CLNK: variants seen among roughly 807,000 people sequenced by gnomAD.
The protein encoded by CLNK is cytokine dependent hematopoietic cell linker.
Under a neutral mutation model 68.6 loss-of-function variants are expected in CLNK, and 74 were observed. The observed-to-expected ratio is 1.08, with a 90% confidence interval of 0.89 to 1.31. CLNK has a LOEUF of 1.31. CLNK is among the 50% of genes most tolerant of loss of function. The probability of loss-of-function intolerance (pLI) is 0.00; values close to 1 mark genes in which losing one functional copy is unlikely to be tolerated. For missense variants in CLNK, 553 were observed against 515.3 expected, an observed-to-expected ratio of 1.07 and a Z score of -0.71; for synonymous variants, 198 against 172.2, an observed-to-expected ratio of 1.15 and a Z score of -1.17.
intron 4 of CLNK, among the ~76,000 whole-genome samples, chr4:10,575,299 C>T (rs949444914): frequency 1.3e-5 from 2 of 152,244 alleles, no homozygotes; most frequent in African/African-American, 4.8e-5. Context: ...TCTGCCAGCA[C>T]ACCCAGCTCA....
chr4:10,542,871 A>C (rs976460385), intron 8 of CLNK, among the ~76,000 whole-genome samples: 3 of 152,040 alleles, frequency 2.0e-5, no homozygotes, highest in Admixed American at 6.5e-5. Flanking sequence ...TCTCAAGGAC[A>C]ATTAACCTTA....
chr4:10,625,866 C>T (rs1176325290), intron 2 of CLNK, among the ~76,000 whole-genome samples: 3 of 152,200 alleles, frequency 2.0e-5, no homozygotes, highest in Non-Finnish European at 4.4e-5. Context: ...TAGCTCAAGG[C>T]TGAGGGTTCT....
intron 3 of CLNK, among the ~76,000 whole-genome samples, chr4:10,588,496 G>T (rs1260083694): frequency 6.6e-6 from 1 of 152,188 alleles, no homozygotes; most frequent in African/African-American, 2.4e-5. Flanking sequence ...TCTAAAAAGA[G>T]TAGCACCAAA....
intron 1 of CLNK, among the ~76,000 whole-genome samples, chr4:10,669,233 A>G (rs1724531230): frequency 6.6e-6 from 1 of 152,232 alleles, no homozygotes; most frequent in Admixed American, 6.5e-5. Context: ...CCCTTAAGCC[A>G]CTTCTAAAAC....
the CLNK span, among the ~76,000 whole-genome samples, chr4:10,694,443 C>G: frequency 6.6e-6 from 1 of 151,792 alleles, no homozygotes; most frequent in Non-Finnish European, 1.5e-5. Context: ...GAAGGTCCCA[C>G]AAAGTTATAA....
intron 14 of CLNK, among the ~76,000 whole-genome samples, chr4:10,522,676 G>C (rs1043675372): frequency 3.3e-5 from 5 of 151,988 alleles, no homozygotes; most frequent in Non-Finnish European, 7.4e-5. Flanking sequence ...CTGGGGAATA[G>C]ACAATAAAGA....
chr4:10,715,232 T>C, the CLNK span, among the ~76,000 whole-genome samples: 1 of 152,200 alleles, frequency 6.6e-6, no homozygotes, highest in East Asian at 1.9e-4. Context: ...AGCCCCTCTC[T>C]AGACCTACTG....
At chr4:10,724,299 G>A in the CLNK span, among the ~76,000 whole-genome samples, 9 of 152,020 alleles carry the variant, frequency 5.9e-5, no homozygotes, top group Non-Finnish European at 1.2e-4. Context: ...CCTCCTTCAA[G>A]TTGTTGCTCA....
the CLNK span, among the ~76,000 whole-genome samples, chr4:10,694,258 A>C: frequency 6.6e-6 from 1 of 151,258 alleles, no homozygotes; most frequent in Admixed American, 6.6e-5. Context: ...GCCAGGTGGG[A>C]CCAAGTATGG....
intron 17 of CLNK, among the ~76,000 whole-genome samples, chr4:10,503,251 A>G (rs536503213): frequency 6.6e-6 from 1 of 152,244 alleles, no homozygotes; most frequent in South Asian, 2.1e-4. Context: ...ACTTGAGGTC[A>G]GGAGTTCGAG....
chr4:10,601,256 G>A (rs142803226), intron 2 of CLNK, among the ~76,000 whole-genome samples: 19 of 152,274 alleles, frequency 1.2e-4, no homozygotes, highest in East Asian at 1.9e-4. Context: ...GGAAGCCAGC[G>A]CAGGCCCAGC....
chr4:10,531,744 A>C (rs933937321), intron 12 of CLNK: 2 of 456,628 alleles, frequency 4.4e-6, no homozygotes, highest in African/African-American at 4.0e-5. Flanking sequence ...CCTGGCCCCC[A>C]TCCCTATTTT....
At chr4:10,690,218 T>C in the CLNK span, among the ~76,000 whole-genome samples, 1 of 152,082 alleles carries the variant, frequency 6.6e-6, no homozygotes, top group East Asian at 1.9e-4. Flanking sequence ...TACTTTACTC[T>C]CTCTAGCAAG....
chr4:10,657,498 G>A (rs532164101), intron 2 of CLNK, among the ~76,000 whole-genome samples: 1 of 152,234 alleles, frequency 6.6e-6, no homozygotes, highest in South Asian at 2.1e-4. Flanking sequence ...AACATTAAAA[G>A]AGAAAATGAA....
chr4:10,504,473 T>G (rs1717205272), intron 17 of CLNK, among the ~76,000 whole-genome samples: 1 of 152,156 alleles, frequency 6.6e-6, no homozygotes, highest in Non-Finnish European at 1.5e-5. Flanking sequence ...TTAGTCTCAT[T>G]TTACAGGTAA....
At chr4:10,501,033 C>T (rs1004689957) in intron 18 of CLNK, among the ~76,000 whole-genome samples, 1 of 152,224 alleles carries the variant, frequency 6.6e-6, no homozygotes, top group Non-Finnish European at 1.5e-5. Flanking sequence ...TTTTCTTTAA[C>T]AGGCAACGCA....
At chr4:10,506,638 C>T (rs530599231) in intron 17 of CLNK, among the ~76,000 whole-genome samples, 10 of 152,228 alleles carry the variant, frequency 6.6e-5, no homozygotes, top group Non-Finnish European at 1.5e-4. Flanking sequence ...ATTGTGACCT[C>T]TATAGTCCAG....
At chr4:10,569,375 C>A (rs189108193) in intron 5 of CLNK, among the ~76,000 whole-genome samples, 12 of 151,432 alleles carry the variant, frequency 7.9e-5, no homozygotes, top group Non-Finnish European at 1.0e-4. Flanking sequence ...TCTCTCTCCC[C>A]ACCCGTCCCC....
chr4:10,490,680 C>G lies in CLNK; in HGVS notation c.1141-67G>C, dbSNP rs568401891. On this transcript the variant is annotated intron_variant, in intron 18 of 18. Coordinates refer to ENST00000226951, the MANE Select transcript of CLNK (RefSeq NM_052964.4). ...TTTGTGTCTGTAGGTTAAAGTATAG[C>G]CAAGGTGCTTCATTTTGCATGGGGA... is the stretch of plus-strand genomic sequence containing the variant. 4.5e-4 allele frequency: 592 copies of G among 1,326,946 alleles called. 5 individuals carry two copies. In the South Asian group the frequency reaches 7.2e-3, roughly 16 times the overall value. The allele number at this position is 1,326,946 out of a possible 1,614,324, so 82.2% of individuals were successfully genotyped here.
Sources: gnomAD v4.1 joint callset for allele counts (sites outside exome capture counted in the v4.1 genomes callset) on GRCh38, gnomAD v4.1.1 for gene constraint, MANE v1.5 for transcripts, NCBI Gene and HGNC (gene_info 2026-07-23, HGNC 2026-07-21) for gene names.